The following DAB1 variants were observed in gnomAD, a reference collection of about 807,000 sequenced individuals.
The protein encoded by DAB1 is DAB adaptor protein 1.
A neutral mutation model predicts 64.6 loss-of-function variants in DAB1; 15 were observed. The ratio of observed to expected loss-of-function variants is 0.23; its 90% CI spans 0.16 to 0.36. DAB1 has a LOEUF of 0.36. Ranked by LOEUF, DAB1 falls within the 10% of genes least tolerant of loss-of-function variation. The pLI, the probability that DAB1 is intolerant of heterozygous loss-of-function variation, is 1.00. For missense variants in DAB1, 596 were observed against 706.7 expected, an observed-to-expected ratio of 0.84 and a Z score of 1.78; for synonymous variants, 235 against 251.9, an observed-to-expected ratio of 0.93 and a Z score of 0.64.
chr1:57,974,610 C>T (rs1041308742), intron 5 of DAB1, among the ~76,000 whole-genome samples: 5 of 151,860 alleles, frequency 3.3e-5, no homozygotes, highest in African/African-American at 1.2e-4. Flanking sequence ...TGAAAAAGAT[C>T]CCTAGGTGAT....
intron 7 of DAB1, among the ~76,000 whole-genome samples, chr1:57,644,632 T>C (rs186353989): frequency 2.7e-3 from 415 of 151,742 alleles, no homozygotes; most frequent in Admixed American, 4.5e-3. Context: ...CTCTTAGTGG[T>C]TGGTTCTGTT....
At chr1:58,402,290 T>C (rs1309498077) in intron 3 of DAB1, among the ~76,000 whole-genome samples, 1 of 152,196 alleles carries the variant, frequency 6.6e-6, no homozygotes, top group African/African-American at 2.4e-5. Context: ...GGCCCAGCGA[T>C]TAGATGGCCT....
chr1:58,527,005 C>A (rs11799415), intron 2 of DAB1, among the ~76,000 whole-genome samples: 1 of 151,948 alleles, frequency 6.6e-6, no homozygotes, highest in Non-Finnish European at 1.5e-5. Flanking sequence ...TTAATAGAAC[C>A]TGATAATTAC....
At chr1:58,486,228 C>T (rs1645573712) in intron 3 of DAB1, among the ~76,000 whole-genome samples, 1 of 152,162 alleles carries the variant, frequency 6.6e-6, no homozygotes, top group South Asian at 2.1e-4. Flanking sequence ...CAGAAATGCA[C>T]AAGTATGTAC....
intron 5 of DAB1, among the ~76,000 whole-genome samples, chr1:57,936,262 T>A (rs913834482): frequency 3.3e-5 from 5 of 152,266 alleles, no homozygotes; most frequent in Non-Finnish European, 7.3e-5. Flanking sequence ...TCAGCCACAT[T>A]TAACTCAGGC....
Position 57,071,653 on chromosome 1 carries a change from G to A in DAB1, c.439-12C>T, listed in dbSNP as rs201179720. The stretch of plus-strand genomic sequence containing the variant: ...ATAACAGGTTCAGCCTGGGATGAAA[G>A]GTAGTAAGGCACATCATAAGGGAAT... On this transcript the variant is annotated splice_polypyrimidine_tract_variant and intron_variant, in intron 5 of 14. Transcript: ENST00000371236. 88 of 1,611,956 alleles carry A rather than the reference G, an allele frequency of 5.5e-5. 2 individuals are homozygous for A. The highest frequency in any genetic ancestry group is 6.0e-5 in the Non-Finnish European group (71 of 1,179,684).
intron 5 of DAB1, among the ~76,000 whole-genome samples, chr1:57,900,027 C>G (rs1644451120): frequency 6.6e-6 from 1 of 151,990 alleles, no homozygotes; most frequent in Admixed American, 6.6e-5. Context: ...CAGCCTCTGA[C>G]TCCTAGGCTC....
intron 5 of DAB1, among the ~76,000 whole-genome samples, chr1:58,071,267 A>G (rs1368963979): frequency 6.6e-6 from 1 of 152,080 alleles, no homozygotes; most frequent in Non-Finnish European, 1.5e-5. Context: ...CTCTGATGTG[A>G]TCTGTACTAT....
At chr1:58,518,058 T>C (rs1020780855) in intron 2 of DAB1, among the ~76,000 whole-genome samples, 4 of 150,822 alleles carry the variant, frequency 2.7e-5, no homozygotes, top group African/African-American at 7.3e-5. Context: ...TGGTGGCACA[T>C]GCCTGTAATC....
chr1:57,581,578 C>T (rs1455727634), intron 7 of DAB1, among the ~76,000 whole-genome samples: 1 of 151,832 alleles, frequency 6.6e-6, no homozygotes, highest in Non-Finnish European at 1.5e-5. Context: ...GTGGCACTGA[C>T]CTCATTGAAT....
intron 3 of DAB1, among the ~76,000 whole-genome samples, chr1:58,486,624 TA>T (rs1156438231): frequency 2.0e-5 from 3 of 152,054 alleles, no homozygotes; most frequent in Non-Finnish European, 4.4e-5. Flanking sequence ...CACACTAGGG[TA>T]AAAGCCAATA....
chr1:57,871,032 T>C (rs1471223905), intron 1 of DAB1, among the ~76,000 whole-genome samples: 2 of 152,140 alleles, frequency 1.3e-5, no homozygotes, highest in African/African-American at 4.8e-5. Context: ...CAGATAATCA[T>C]AAAGCACCTA....
chr1:57,873,993 C>G (rs1282346452), intron 1 of DAB1: 1 of 152,088 alleles, frequency 6.6e-6, no homozygotes, highest in Non-Finnish European at 1.5e-5. Flanking sequence ...TGACACAAGT[C>G]TCTGGTACAG....
rs1661731644 is a variant in DAB1, at chr1:58,288,038, A to AAAAAG, written n.309+55313_309+55314insCTTTT. Among the ~76,000 whole-genome samples the AAAAAG allele has an allele frequency of 1.3e-4, 16 of 122,670 alleles. 1 individual carries two copies. The highest frequency in any genetic ancestry group is 1.7e-4 in the Non-Finnish European group (10 of 59,470). The allele number at this position is 122,670 out of a possible 152,430, so 80.5% of individuals were successfully genotyped here. On this transcript the variant is annotated intron_variant and non_coding_transcript_variant, in intron 4 of 20. Coordinates refer to the DAB1 transcript ENST00000485760. ...CTGCCTCAAAAAAAAAAAAAAAAAA[A>AAAAAG]AAAAAAAGAAAAAAAAGAGCAGCAA... is the stretch of plus-strand genomic sequence containing the variant.
intron 1 of DAB1, among the ~76,000 whole-genome samples, chr1:57,879,936 C>T (rs1644116695): frequency 6.6e-6 from 1 of 152,160 alleles, no homozygotes; most frequent in Non-Finnish European, 1.5e-5. Flanking sequence ...AGTTTCCCAA[C>T]ACAGTCATTT....
chr1:57,182,833 T>C (rs986744775), intron 2 of DAB1, among the ~76,000 whole-genome samples: 2 of 152,108 alleles, frequency 1.3e-5, no homozygotes, highest in African/African-American at 2.4e-5. Context: ...GATAGAATAG[T>C]ATATCCAGAG....
chr1:57,259,853 C>G (rs1434756923), intron 2 of DAB1, among the ~76,000 whole-genome samples: 1 of 152,192 alleles, frequency 6.6e-6, no homozygotes, highest in African/African-American at 2.4e-5. Flanking sequence ...GTTTTCACAG[C>G]TTTCCAGATA....
chr1:57,736,387 C>T (rs979181023), intron 6 of DAB1, among the ~76,000 whole-genome samples: 10 of 152,146 alleles, frequency 6.6e-5, no homozygotes, highest in African/African-American at 1.9e-4. Flanking sequence ...GTTTTGACTT[C>T]GTGCATATCT....
At chr1:58,150,772 T>C (rs1404758855) in intron 4 of DAB1, among the ~76,000 whole-genome samples, 1 of 152,052 alleles carries the variant, frequency 6.6e-6, no homozygotes, top group African/African-American at 2.4e-5. Context: ...ATGTGCCATG[T>C]TGGTGTACTG....
Sources: allele counts gnomAD v4.1 joint callset (sites outside exome capture counted in the v4.1 genomes callset), GRCh38; gene constraint gnomAD v4.1.1; transcripts MANE v1.5; gene names NCBI Gene and HGNC (gene_info 2026-07-23, HGNC 2026-07-21).